HMCN2: variants seen among roughly 807,000 people sequenced by gnomAD.
HMCN2 encodes the protein hemicentin-2.
HMCN2 carries 325 observed loss-of-function variants against 377.5 expected under a neutral mutation model. That is an observed-to-expected ratio of 0.86 (90% confidence interval 0.79 to 0.94). The LOEUF is 0.94. Ranked by LOEUF, HMCN2 falls within the 40% of genes least tolerant of loss-of-function variation. The pLI is 0.00. For synonymous variants in HMCN2, 2,007 were observed against 2,046.8 expected (o/e 0.98, Z 0.53); for missense variants, 4,543 against 4,725.3 (o/e 0.96, Z 1.13).
chr9:130,429,885 C>A, intron 94 of HMCN2, 200 bp downstream of exon 94: 1 of 1,028,886 alleles, frequency 9.7e-7, no homozygotes, highest in Non-Finnish European at 1.4e-6. Context: ...TTTGCACTCA[C>A]TGGGTGCCTG....
intron 79 of HMCN2, 62 bp downstream of exon 79, chr9:130,403,390 G>A (rs537314175): frequency 4.7e-6 from 6 of 1,277,326 alleles, no homozygotes; most frequent in African/African-American, 3.0e-5. Context: ...GGGCAGGGGG[G>A]GAGTCCTGCT....
At chr9:130,390,616 G>T (rs537951783) in intron 62 of HMCN2, among the ~76,000 whole-genome samples, 1 of 152,242 alleles carries the variant, frequency 6.6e-6, no homozygotes, top group Non-Finnish European at 1.5e-5. Context: ...GACCTGTGTA[G>T]GGTCAGTGAG....
At position 130,352,986 on chromosome 9, in the gene HMCN2, C is replaced by T. The variant is rs1207621832; in HGVS notation, c.4645C>T (p.Leu1549=). The T allele has an allele frequency of 7.7e-7, 1 of 1,303,772 alleles. No homozygotes were observed. Among genetic ancestry groups the T allele is most frequent in the Admixed American group, 2.3e-5 (1 of 43,514 alleles). 80.8% of individuals were successfully genotyped at this position (1,303,772 alleles called of 1,614,324 possible). Residue 1549 remains leucine, a synonymous_variant, in exon 31 of 98, where the codon CTA becomes TTA. Transcript: ENST00000683500. ...TGEVAVMEDH[L]VQLLCEARGV... is the part of the protein sequence containing the mutation. Reference sequence around the variant, plus strand: ...CGAGGTGGCCGTCATGGAGGACCACCTAGTGCAGCTCCTGTGTGAGGCTCG... The same window carrying T: ...CGAGGTGGCCGTCATGGAGGACCACTTAGTGCAGCTCCTGTGTGAGGCTCG...
At chr9:130,334,830 TCTCC>T (rs1415998047) in intron 22 of HMCN2, among the ~76,000 whole-genome samples, 18 of 148,854 alleles carry the variant, frequency 1.2e-4, no homozygotes, top group South Asian at 4.4e-4. Context: ...TCTCTCTCTC[TCTCC>T]CTCCCTCCCT....
At chr9:130,325,113 T>G (rs1251169589) in intron 19 of HMCN2, among the ~76,000 whole-genome samples, 2 of 134,386 alleles carry the variant, frequency 1.5e-5, no homozygotes, top group African/African-American at 2.8e-5. Context: ...TTTTTTTTTG[T>G]AGACAAGAGT....
chr9:130,427,517 G>A lies in HMCN2; in HGVS notation c.13963G>A (p.Gly4655Ser). ...CCCAGACAGGGACGAGTGCTCAGGA[G>A]GCCCTAGCCCCTGCTCCCATGCCTG... ...FCVDRDECSG[G>S]PSPCSHACLN... Residue 4655 changes from glycine (G) to serine (S), a missense_variant, in exon 92 of 98, where the codon GGC becomes AGC. Gly to Ser is a moderately conservative substitution (Grantham distance 56, BLOSUM62 0). Around this residue, in one of 5 missense-constraint regions of HMCN2, gnomAD observed 1,155 missense variants for 1,157.7 expected, o/e 1.00. Coordinates refer to ENST00000683500, the MANE Select transcript of HMCN2 (RefSeq NM_001291815.2). 3.2e-6 allele frequency: 5 copies of A among 1,550,498 alleles called. No individual in the cohort carries two copies. In the African/African-American group the frequency reaches 5.5e-5, roughly 17 times the overall value.
chr9:130,374,588 C>T lies in HMCN2; in HGVS notation c.7525C>T (p.Leu2509Phe). 1.0e-6 allele frequency: 1 copy of T among 985,796 alleles called. No individual in the cohort carries two copies. The highest frequency in any genetic ancestry group is 4.7e-5 in the South Asian group (1 of 21,294). 61.1% of individuals were successfully genotyped at this position (985,796 alleles called of 1,614,324 possible). A position where few individuals can be genotyped will look rare whatever the true frequency, so the allele number is the denominator to read the frequency against. The change falls in exon 49 of 98, where the codon CTC becomes TTC. Residue 2509 changes from leucine to phenylalanine, a missense_variant. By Grantham distance (22) the Leu-to-Phe change is conservative (BLOSUM62 0). Transcript: ENST00000683500. Reference sequence around the variant, plus strand: ...TCACCACATCTCCCCAGACGGAGTCCTCCTGCAGGTCCTCCAGGCAAACCT... The same window carrying T: ...TCACCACATCTCCCCAGACGGAGTCTTCCTGCAGGTCCTCCAGGCAAACCT... ...DAHHISPDGV[L>F]LQVLQANLSS...
intron 62 of HMCN2, among the ~76,000 whole-genome samples, chr9:130,390,406 G>T (rs920585079): frequency 6.6e-6 from 1 of 152,226 alleles, no homozygotes; most frequent in African/African-American, 2.4e-5. Context: ...CAGGCTCTGC[G>T]CTGGACATGG....
chr9:130,350,654 A>T (rs970211606), intron 29 of HMCN2, among the ~76,000 whole-genome samples: 1 of 151,920 alleles, frequency 6.6e-6, no homozygotes, highest in Non-Finnish European at 1.5e-5. Flanking sequence ...TGGGAGGCTG[A>T]GGTGGGCAGA....
rs754041273 is a variant in HMCN2 at position 130,429,631 on chromosome 9, C to G, written c.14272C>G (p.Arg4758Gly). ...CTGCGAGAACACCCCAGGCGGTCAC[C>G]GCTGCAGCTGCCCCAGGGGTTACCG... ...QLCENTPGGH[R>G]CSCPRGYRMQ... The change falls in exon 94 of 98, where the codon CGC (arginine) becomes GGC (glycine). Residue 4758 changes from arginine to glycine, a missense_variant. Physicochemically the swap from Arg to Gly is moderately radical, Grantham distance 125 (BLOSUM62 -2). Coordinates refer to ENST00000683500, the MANE Select transcript of HMCN2 (RefSeq NM_001291815.2). 6 of 1,549,040 alleles carry G rather than the reference C, an allele frequency of 3.9e-6. No individual in the cohort carries two copies. The highest frequency in any genetic ancestry group is 1.4e-5 in the African/African-American group (1 of 72,914).
At chr9:130,363,205 A>G (rs1000040159) in intron 40 of HMCN2, among the ~76,000 whole-genome samples, 1 of 152,204 alleles carries the variant, frequency 6.6e-6, no homozygotes, top group African/African-American at 2.4e-5. Context: ...GTGGCCCCGC[A>G]TAGCCAGGAG....
chr9:130,302,761 C>T (rs1025562173), intron 8 of HMCN2, 96 bp from the exon 9 acceptor site: 3 of 320,332 alleles, frequency 9.4e-6, no homozygotes, highest in Admixed American at 3.7e-5. Flanking sequence ...GAATCCTGGC[C>T]TCCTGGCTGC....
chr9:130,277,949 T>C (rs1365088252), intron 1 of HMCN2, among the ~76,000 whole-genome samples: 1 of 68,680 alleles, frequency 1.5e-5, no homozygotes, highest in Non-Finnish European at 2.7e-5. Context: ...ACCATCATCA[T>C]CATCACCACC....
chr9:130,390,967 T>C lies in HMCN2; in HGVS notation c.9524-10T>C, dbSNP rs1842287340. 4.1e-6 allele frequency: 4 copies of C among 986,616 alleles called. No homozygotes were observed. In the Middle Eastern group the frequency reaches 1.1e-3, roughly 262 times the overall value. 61.1% of individuals were successfully genotyped at this position (986,616 alleles called of 1,614,324 possible). On this transcript the variant is annotated splice_polypyrimidine_tract_variant and intron_variant, in intron 62 of 97. Coordinates refer to ENST00000683500, the MANE Select transcript of HMCN2 (RefSeq NM_001291815.2). ...GGCTGGGGGATTCAGGGGACCCCTC[T>C]GTCCCACAGAGAGCAGCGCGGTGCA...
chr9:130,424,327 T>C (rs1327614101), intron 87 of HMCN2, among the ~76,000 whole-genome samples: 3 of 148,686 alleles, frequency 2.0e-5, no homozygotes, highest in African/African-American at 7.5e-5. Flanking sequence ...TACAGACGCC[T>C]GCCACGGCGC....
chr9:130,331,568 C>T (rs968238327), intron 22 of HMCN2, among the ~76,000 whole-genome samples: 11 of 151,618 alleles, frequency 7.3e-5, no homozygotes, highest in Middle Eastern at 3.4e-3. Flanking sequence ...ATCCCAGCTT[C>T]ACCCCAGCTC....
At chr9:130,330,905 G>A (rs890570565) in intron 22 of HMCN2, among the ~76,000 whole-genome samples, 163 of 151,502 alleles carry the variant, frequency 1.1e-3, no homozygotes, top group African/African-American at 3.8e-3. Flanking sequence ...CAAGGAAGGC[G>A]GATCACGAGG....
At position 130,434,099 on chromosome 9, in the gene HMCN2, T is replaced by G; in HGVS notation, c.*406T>G. The G allele has an allele frequency of 5.7e-6, 1 of 175,018 alleles. No individual in the cohort carries two copies. The highest frequency in any genetic ancestry group is 1.2e-5 in the Non-Finnish European group (1 of 83,858). 10.8% of individuals were successfully genotyped at this position (175,018 alleles called of 1,614,324 possible). A position where few individuals can be genotyped will look rare whatever the true frequency, so the allele number is the denominator to read the frequency against. On this transcript the variant is annotated 3_prime_UTR_variant, in exon 98 of 98. Coordinates refer to ENST00000683500, the MANE Select transcript of HMCN2 (RefSeq NM_001291815.2). ...GGTGTCATTCTGAACCCTGTTGCAA[T>G]ATAAAGGGATTTTTTTTTAACCAAC...
intron 1 of HMCN2, among the ~76,000 whole-genome samples, chr9:130,279,253 A>C (rs1470685068): frequency 6.6e-6 from 1 of 152,112 alleles, no homozygotes; most frequent in South Asian, 2.1e-4. Context: ...CTCTTGCCCC[A>C]GATCTTCCCC....
Sources: gnomAD v4.1 joint callset for allele counts (sites outside exome capture counted in the v4.1 genomes callset) on GRCh38, gnomAD v4.1.1 for gene constraint, gnomAD v4.1.1 regional missense constraint, MANE v1.5 for transcripts, NCBI Gene and HGNC (gene_info 2026-07-23, HGNC 2026-07-21) for gene names.